The following F13B variants were observed in gnomAD, a reference collection of about 807,000 sequenced individuals.
F13B encodes coagulation factor XIII B chain.
F13B carries 58 observed loss-of-function variants against 79.8 expected under a neutral mutation model. The observed-to-expected ratio is 0.73, with a 90% CI of 0.59 to 0.90. The LOEUF is 0.90. Ranked by LOEUF, F13B falls within the 40% of genes least tolerant of loss-of-function variation. The pLI, the probability that F13B is intolerant of heterozygous loss-of-function variation, is 0.00. For missense variants in F13B, 773 were observed against 777.0 expected (o/e 0.99, Z 0.06); for synonymous variants, 283 against 260.3 (o/e 1.09, Z -0.84).
At chr1:197,044,578 T>A (rs913253098) in intron 10 of F13B, among the ~76,000 whole-genome samples, 5 of 152,064 alleles carry the variant, frequency 3.3e-5, no homozygotes, top group Admixed American at 3.3e-4. Context: ...AACACCCCAC[T>A]GTCAATACTA....
In F13B at chr1:197,050,686, G is replaced by C. The variant is rs763759463; in HGVS notation, c.1738+11C>G. 2 of 1,610,660 alleles carry C rather than the reference G, an allele frequency of 1.2e-6. No individual in the cohort carries two copies. Among genetic ancestry groups the C allele is most frequent in the African/African-American group, 1.3e-5 (1 of 74,768 alleles). ...TTTTACTTTGTTAGAGGCATATTTA[G>C]TAGTACATACCTAAACACAATGGTG... On this transcript the variant is annotated intron_variant, in intron 10 of 11. Transcript: ENST00000367412.
chr1:197,067,199 T>A lies in F13B; in HGVS notation c.25A>T (p.Ile9Phe), dbSNP rs1656090778. 1 of 1,609,566 alleles carries A rather than the reference T, an allele frequency of 6.2e-7. No homozygotes were observed. Among genetic ancestry groups the A allele is most frequent in the Non-Finnish European group, 8.5e-7 (1 of 1,176,590 alleles). Residue 9 changes from isoleucine (I) to phenylalanine (F), a missense_variant, in exon 1 of 12, where the codon ATC becomes TTC. Physicochemically the swap from Ile to Phe is conservative, Grantham distance 21 (BLOSUM62 0). Coordinates refer to ENST00000367412, the MANE Select transcript of F13B (RefSeq NM_001994.3). MRLKNLTF[I>F]IILIISGELY... ...TCTCCTGAGATTATCAATATGATGA[T>A]AAAAGTCAGGTTTTTCAACCTCATC... is the stretch of plus-strand genomic sequence containing the variant.
chr1:197,064,700 T>C (rs1655985819), intron 1 of F13B, among the ~76,000 whole-genome samples: 1 of 152,166 alleles, frequency 6.6e-6, no homozygotes, highest in Non-Finnish European at 1.5e-5. Flanking sequence ...GTGTATCCTG[T>C]GATTTTTGCA....
At chr1:197,048,238 C>T (rs1275166248) in intron 10 of F13B, among the ~76,000 whole-genome samples, 1 of 151,006 alleles carries the variant, frequency 6.6e-6, no homozygotes, top group Non-Finnish European at 1.5e-5. Context: ...GTAACATACA[C>T]CTAGTATAGA....
At position 197,040,720 on chromosome 1, in the gene F13B, G is replaced by C. The variant is rs147163101; in HGVS notation, c.1754C>G (p.Ser585Cys). 6.2e-7 allele frequency: 1 copy of C among 1,609,806 alleles called. No individual in the cohort carries two copies. The highest frequency in any genetic ancestry group is 8.5e-7 in the Non-Finnish European group (1 of 1,177,046). ...PPLCLEPCTL[S>C]FTEMEKNNLL... ...ATTATTCTTTTCCATTTCAGTAAAA[G>C]ATAATGTGCATGGCTCTGGGAACAA... is the stretch of plus-strand genomic sequence containing the variant. Residue 585 changes from serine (S) to cysteine (C), a missense_variant, in exon 11 of 12, where the codon TCT becomes TGT. By Grantham distance (112) the Ser-to-Cys change is moderately radical (BLOSUM62 -1). Transcript: ENST00000367412.
chr1:197,048,492 C>G (rs896566467), intron 10 of F13B, among the ~76,000 whole-genome samples: 157 of 150,940 alleles, frequency 1.0e-3, no homozygotes, highest in African/African-American at 3.6e-3. Flanking sequence ...TAAAGGAGAC[C>G]TCAAGGCAAA....
At chr1:197,048,788 A>G (rs1170324582) in intron 10 of F13B, among the ~76,000 whole-genome samples, 3 of 150,672 alleles carry the variant, frequency 2.0e-5, no homozygotes, top group African/African-American at 7.3e-5. Flanking sequence ...CAATTCACAT[A>G]TATAAAACAG....
At chr1:197,052,059 C>T (rs10801586) in intron 9 of F13B, among the ~76,000 whole-genome samples, 26,380 of 151,994 alleles carry the variant, frequency 0.17, 3,779 homozygotes, top group East Asian at 0.69. Context: ...TGGCTCTCAT[C>T]GCAATTGCTT....
intron 8 of F13B, 45 bp downstream of exon 8, chr1:197,055,670 A>T (rs746816199): frequency 1.3e-6 from 2 of 1,581,036 alleles, no homozygotes. Flanking sequence ...TAAGAAAATC[A>T]CATAAAAGTA....
chr1:197,065,149 G>A (rs755869679), intron 1 of F13B, among the ~76,000 whole-genome samples: 7 of 152,140 alleles, frequency 4.6e-5, no homozygotes, highest in Non-Finnish European at 8.8e-5. Flanking sequence ...CAGTGCAATG[G>A]TGAATACACA....
At position 197,053,699 on chromosome 1, in the gene F13B, G is replaced by C. The variant is rs563216412; in HGVS notation, c.1355-865C>G. Among the ~76,000 whole-genome samples, 3 of 152,202 alleles carry C rather than the reference G, an allele frequency of 2.0e-5. No individual in the cohort carries two copies. The East Asian group carries it at 5.8e-4, about 29-fold the overall frequency. ...GAAAAAAAGAGTACTGGAGCAGGAG[G>C]GGGTAACAAAAGAGCTAGGTGAAGA... On this transcript the variant is annotated intron_variant, in intron 8 of 11. Coordinates refer to ENST00000367412, the MANE Select transcript of F13B (RefSeq NM_001994.3).
In F13B at chr1:197,060,496, A is replaced by G; in HGVS notation, c.675T>C (p.His225=). The G allele has an allele frequency of 6.2e-7, 1 of 1,604,462 alleles. No homozygotes were observed. The highest frequency in any genetic ancestry group is 1.1e-5 in the South Asian group (1 of 89,324). The change falls in exon 5 of 12, where the codon CAT becomes CAC. Residue 225 remains histidine, a synonymous_variant. Transcript: ENST00000367412. ...CTTCTTCATAGGTTTGCTTTACAGG[A>G]TGAAAATAACCATTTTCAATTAATC... is the stretch of plus-strand genomic sequence containing the variant. ...SLRLIENGYF[H]PVKQTYEEGD... is the part of the protein sequence containing the mutation.
chr1:197,050,280 G>A (rs1187037563), intron 10 of F13B, among the ~76,000 whole-genome samples: 2 of 152,078 alleles, frequency 1.3e-5, no homozygotes, highest in African/African-American at 2.4e-5. Flanking sequence ...CTCTTACTAG[G>A]ATGCCTTGCT....
intron 10 of F13B, among the ~76,000 whole-genome samples, chr1:197,045,066 A>C (rs1655178748): frequency 1.3e-5 from 2 of 152,184 alleles, no homozygotes; most frequent in African/African-American, 4.8e-5. Context: ...GGAAAGATCT[A>C]AAATCGACAC....
At chr1:197,060,823 T>C (rs1344202564) in intron 4 of F13B, 76 bp downstream of exon 4, 12 of 1,353,136 alleles carry the variant, frequency 8.9e-6, no homozygotes, top group Middle Eastern at 1.8e-4. Context: ...ATAATGAGCA[T>C]GACAACTTAT....
At position 197,057,052 on chromosome 1, in the gene F13B, A is replaced by G; in HGVS notation, c.1132T>C (p.Cys378Arg). 1 of 1,613,810 alleles carries G rather than the reference A, an allele frequency of 6.2e-7. No individual in the cohort carries two copies. Among genetic ancestry groups the G allele is most frequent in the African/African-American group, 1.3e-5 (1 of 75,044 alleles). ...YLLHGSNEIT[C>R]NRGKWTLPPE... ...GGAAGTGTCCATTTTCCACGATTAC[A>G]AGTTATCTCATTCGATCCATGGAGA... Residue 378 changes from cysteine (C) to arginine (R), a missense_variant, in exon 7 of 12, where the codon TGT becomes CGT. Cys to Arg is a radical substitution (Grantham distance 180). Coordinates refer to ENST00000367412, the MANE Select transcript of F13B (RefSeq NM_001994.3).
chr1:197,061,139 A>C lies in F13B; in HGVS notation c.452-64T>G. ...AATAACCTAGATTATAAAAAATCTCAAAATATGGTTTTACAAATCTTAAGA... is the reference window on the plus strand; with the variant it reads ...AATAACCTAGATTATAAAAAATCTCCAAATATGGTTTTACAAATCTTAAGA... On this transcript the variant is annotated intron_variant, in intron 3 of 11. Transcript: ENST00000367412. The C allele has an allele frequency of 3.5e-6, 3 of 858,236 alleles. No individual in the cohort carries two copies. The Middle Eastern group carries it at 1.1e-3, about 307-fold the overall frequency. The allele number at this position is 858,236 out of a possible 1,614,324, so 53.2% of individuals were successfully genotyped here.
intron 10 of F13B, among the ~76,000 whole-genome samples, chr1:197,044,786 A>G (rs541658129): frequency 1.3e-5 from 2 of 152,324 alleles, no homozygotes; most frequent in South Asian, 4.1e-4. Context: ...AATGAAAAAG[A>G]ACAGAAATCA....
intron 2 of F13B, among the ~76,000 whole-genome samples, chr1:197,062,188 G>A (rs140950091): frequency 1.3e-5 from 2 of 151,792 alleles, no homozygotes; most frequent in Non-Finnish European, 2.9e-5. Context: ...TCTACTTCTA[G>A]ATAGGTTTAC....
Sources: gnomAD v4.1 joint callset for allele counts (sites outside exome capture counted in the v4.1 genomes callset) on GRCh38, gnomAD v4.1.1 for gene constraint, MANE v1.5 for transcripts, NCBI Gene and HGNC (gene_info 2026-07-23, HGNC 2026-07-21) for gene names.